PRR5L: variants seen among roughly 807,000 people sequenced by gnomAD.
PRR5L encodes proline rich 5 like, also known as proline-rich protein 5-like.
In PRR5L, 21 loss-of-function variants were observed where a neutral mutation model predicts 36.4. The ratio of observed to expected loss-of-function variants is 0.58; its 90% CI spans 0.41 to 0.83. PRR5L has a LOEUF of 0.83. Among genes scored for constraint, PRR5L ranks in the 40% least tolerant of loss-of-function variants. PRR5L has a pLI of 0.00. For synonymous variants in PRR5L, 188 were observed against 197.0 expected, an observed-to-expected ratio of 0.95 and a Z score of 0.38; for missense variants, 381 against 473.3, an observed-to-expected ratio of 0.80 and a Z score of 1.81.
At chr11:36,426,036 T>C (rs1858375387) in intron 4 of PRR5L, 2 of 152,220 alleles carry the variant, frequency 1.3e-5, no homozygotes, top group African/African-American at 2.4e-5. Context: ...GGCACTCCCC[T>C]TGCTAGATGT....
chr11:36,298,309 T>C (rs1445324331), intron 1 of PRR5L, among the ~76,000 whole-genome samples: 2 of 152,100 alleles, frequency 1.3e-5, no homozygotes, highest in African/African-American at 4.8e-5. Context: ...ATTACATTTA[T>C]TGAGAACCTT....
At chr11:36,374,132 T>A (rs1236114230) in intron 1 of PRR5L, among the ~76,000 whole-genome samples, 1 of 145,648 alleles carries the variant, frequency 6.9e-6, no homozygotes, top group African/African-American at 2.5e-5. Flanking sequence ...CTTTCTTTCT[T>A]TGTCTTGCTC....
In PRR5L at chr11:36,418,660, G is replaced by A. The variant is rs55741497; in HGVS notation, c.246-595G>A. On this transcript the variant is annotated intron_variant, in intron 3 of 8. Coordinates refer to ENST00000530639, the MANE Select transcript of PRR5L (RefSeq NM_001160167.2). ...AAATACAAAAAATTAGCCGGGCATG[G>A]TGGCGGGCGCCTGTGGTCCCAGCTA... 1.6e-3 allele frequency among the ~76,000 whole-genome samples: 237 copies of A among 152,194 alleles called. 1 individual carries two copies. The highest frequency in any genetic ancestry group is 2.0e-3 in the Non-Finnish European group (138 of 68,008).
rs1859225372 is a variant in PRR5L at position 36,463,045 on chromosome 11, C to T, written c.*309C>T. 2 of 290,676 alleles carry T rather than the reference C, an allele frequency of 6.9e-6. No homozygotes were observed. Among genetic ancestry groups the T allele is most frequent in the Non-Finnish European group, 6.4e-6 (1 of 156,764 alleles). The allele number at this position is 290,676 out of a possible 1,614,324, so 18.0% of individuals were successfully genotyped here. ...CCTTTCTCCCTCCGATGTTGGACTG[C>T]CTGATGCTCCCAATGACATATCCAA... On this transcript the variant is annotated 3_prime_UTR_variant, in exon 9 of 9. Transcript: ENST00000530639.
chr11:36,356,171 T>G (rs1857026093), intron 1 of PRR5L, among the ~76,000 whole-genome samples: 1 of 151,964 alleles, frequency 6.6e-6, no homozygotes, highest in Non-Finnish European at 1.5e-5. Context: ...CTCGGCCTCC[T>G]AAAATGCTGG....
At chr11:36,401,871 C>T (rs1857805628) in intron 2 of PRR5L, among the ~76,000 whole-genome samples, 1 of 152,216 alleles carries the variant, frequency 6.6e-6, no homozygotes, top group Admixed American at 6.5e-5. Flanking sequence ...AATTTACGGT[C>T]ACTATTCATG....
intron 1 of PRR5L, among the ~76,000 whole-genome samples, chr11:36,366,714 T>C (rs1362708527): frequency 1.3e-5 from 2 of 152,230 alleles, no homozygotes; most frequent in South Asian, 2.1e-4. Context: ...CCTTGTATTA[T>C]GGTGCCTAGG....
intron 2 of PRR5L, among the ~76,000 whole-genome samples, chr11:36,401,562 C>G (rs1485925856): frequency 6.6e-6 from 1 of 152,044 alleles, no homozygotes. Flanking sequence ...GTAGCTGGGA[C>G]TACAGGCACA....
intron 4 of PRR5L, among the ~76,000 whole-genome samples, chr11:36,423,033 C>T (rs1424341256): frequency 6.6e-6 from 1 of 152,104 alleles, no homozygotes; most frequent in African/African-American, 2.4e-5. Flanking sequence ...TATTCTGTAT[C>T]TACTGGCTTT....
intron 8 of PRR5L, chr11:36,453,945 T>C (rs531770462): frequency 6.6e-6 from 1 of 152,292 alleles, no homozygotes; most frequent in South Asian, 2.1e-4. Context: ...GAAGGAGCGT[T>C]AGAGGAACTG....
intron 1 of PRR5L, among the ~76,000 whole-genome samples, chr11:36,351,358 A>T (rs1248655533): frequency 1.5e-3 from 136 of 87,746 alleles, no homozygotes; most frequent in Non-Finnish European, 2.3e-3. Context: ...TAATAAATAT[A>T]TATAAATATA....
At chr11:36,320,149 C>T (rs1856598736) in intron 1 of PRR5L, among the ~76,000 whole-genome samples, 1 of 152,110 alleles carries the variant, frequency 6.6e-6, no homozygotes, top group South Asian at 2.1e-4. Flanking sequence ...CGTACCTCTG[C>T]CCCTACTGGC....
chr11:36,453,893 G>A (rs1439483768), intron 8 of PRR5L: 1 of 152,416 alleles, frequency 6.6e-6, no homozygotes, highest in Non-Finnish European at 1.5e-5. Flanking sequence ...AGGCCAAGGG[G>A]AGGAGCTTGG....
At chr11:36,408,545 C>A (rs529136161) in intron 3 of PRR5L, among the ~76,000 whole-genome samples, 1 of 152,172 alleles carries the variant, frequency 6.6e-6, no homozygotes, top group Non-Finnish European at 1.5e-5. Flanking sequence ...TGCCAGAGTT[C>A]GGGCTGATTC....
intron 1 of PRR5L, chr11:36,297,345 T>A (rs1856323126): frequency 6.6e-6 from 1 of 152,246 alleles, no homozygotes; most frequent in African/African-American, 2.4e-5. Flanking sequence ...TTTGTTTATT[T>A]TAAATGATTT....
intron 3 of PRR5L, among the ~76,000 whole-genome samples, chr11:36,409,599 G>T (rs956316747): frequency 6.6e-6 from 1 of 152,198 alleles, no homozygotes; most frequent in African/African-American, 2.4e-5. Flanking sequence ...ACAGTAGGGG[G>T]GAAGAGCTGG....
intron 5 of PRR5L, among the ~76,000 whole-genome samples, chr11:36,436,069 AC>A (rs1386359202): frequency 6.6e-6 from 1 of 152,094 alleles, no homozygotes; most frequent in Non-Finnish European, 1.5e-5. Flanking sequence ...TGTGAATTTC[AC>A]CCTGACCTTT....
intron 8 of PRR5L, among the ~76,000 whole-genome samples, chr11:36,458,799 A>G (rs540704233): frequency 6.6e-6 from 1 of 152,316 alleles, no homozygotes; most frequent in Admixed American, 6.5e-5. Flanking sequence ...TTCCTCTTGG[A>G]AAGTGGGGTG....
At chr11:36,411,852 G>A (rs1375029914) in intron 3 of PRR5L, among the ~76,000 whole-genome samples, 1 of 152,130 alleles carries the variant, frequency 6.6e-6, no homozygotes, top group East Asian at 1.9e-4. Context: ...CAATCCCAGT[G>A]TAGGAAATGC....
Sources: allele counts gnomAD v4.1 joint callset (sites outside exome capture counted in the v4.1 genomes callset), GRCh38; gene constraint gnomAD v4.1.1; transcripts MANE v1.5; gene names NCBI Gene and HGNC (gene_info 2026-07-23, HGNC 2026-07-21).